The following SEPTIN9 variants were observed in gnomAD, a reference collection of about 807,000 sequenced individuals.
SEPTIN9 encodes the protein septin 9.
In SEPTIN9, 13 loss-of-function variants were observed where a neutral mutation model predicts 56.6. The observed-to-expected ratio is 0.23, with a 90% CI of 0.15 to 0.37. The LOEUF is 0.37. SEPTIN9 is among the 10% of genes least tolerant of loss of function. The pLI is 1.00. For synonymous variants in SEPTIN9, 332 were observed against 334.1 expected, an observed-to-expected ratio of 0.99 and a Z score of 0.07; for missense variants, 650 against 823.1, an observed-to-expected ratio of 0.79 and a Z score of 2.57.
intron 2 of SEPTIN9, among the ~76,000 whole-genome samples, chr17:77,316,267 T>C (rs1273008343): frequency 1.3e-5 from 2 of 152,128 alleles, no homozygotes; most frequent in Admixed American, 1.3e-4. Flanking sequence ...TCCCCCACCC[T>C]CTGCTGGCCT....
chr17:77,281,676 C>T (rs2031030303), intron 1 of SEPTIN9, 122 bp downstream of exon 1: 1 of 965,072 alleles, frequency 1.0e-6, no homozygotes, highest in Non-Finnish European at 1.5e-6. Flanking sequence ...GCGGCGGGCA[C>T]ACTGCAGGTC....
chr17:77,486,535 C>T lies in SEPTIN9; in HGVS notation c.914-889C>T, dbSNP rs867618619. 2.0e-3 allele frequency among the ~76,000 whole-genome samples: 239 copies of T among 120,396 alleles called. 2 individuals carry two copies. The highest frequency in any genetic ancestry group is 8.4e-3 in the African/African-American group (221 of 26,400). The allele number at this position is 120,396 out of a possible 152,430, so 79.0% of individuals were successfully genotyped here. ...GTGTGTGTGTGTGCGCGCACGCGCGCGCGTGTTATATGTGATTTGTTTGTG... is the reference window on the plus strand; with the variant it reads ...GTGTGTGTGTGTGCGCGCACGCGCGTGCGTGTTATATGTGATTTGTTTGTG... On this transcript the variant is annotated intron_variant, in intron 4 of 11. Coordinates refer to ENST00000427177, the MANE Select transcript of SEPTIN9 (RefSeq NM_001113491.2).
At chr17:77,444,809 G>A (rs550518369) in intron 3 of SEPTIN9, 3 of 249,732 alleles carry the variant, frequency 1.2e-5, no homozygotes, top group African/African-American at 2.3e-5. Flanking sequence ...CAGATGGCTC[G>A]GGCTAAGAAG....
chr17:77,394,394 G>A (rs56720032), intron 2 of SEPTIN9, among the ~76,000 whole-genome samples: 11,410 of 152,184 alleles, frequency 0.075, 1,380 homozygotes, highest in African/African-American at 0.26. Flanking sequence ...CCTACTCCTT[G>A]GCACCATCTG....
At chr17:77,469,956 C>G (rs1425172438) in intron 3 of SEPTIN9, among the ~76,000 whole-genome samples, 1 of 151,022 alleles carries the variant, frequency 6.6e-6, no homozygotes, top group Non-Finnish European at 1.5e-5. Flanking sequence ...CCCATCCACT[C>G]ACCCACCCAT....
At chr17:77,287,821 CA>C in intron 1 of SEPTIN9, 5 of 943,176 alleles carry the variant, frequency 5.3e-6, no homozygotes, top group Non-Finnish European at 6.4e-6. Flanking sequence ...TGACTGTTGG[CA>C]GCCTGAAAAC....
At position 77,443,185 on chromosome 17, in the gene SEPTIN9, G is replaced by A. The variant is rs184912273; in HGVS notation, c.722-38959G>A. Among the ~76,000 whole-genome samples the A allele has an allele frequency of 3.0e-4, 46 of 152,228 alleles. 2 individuals carry two copies. The highest frequency in any genetic ancestry group is 1.6e-3 in the Admixed American group (25 of 15,292). On this transcript the variant is annotated intron_variant, in intron 3 of 11. Transcript: ENST00000427177. ...TGCTGTTGAAACCAGTGCAGGGCCC[G>A]ATTGCTTTGTATTGAGTGTTGAGGA...
chr17:77,408,929 G>C (rs551596663), intron 3 of SEPTIN9, among the ~76,000 whole-genome samples: 1 of 152,158 alleles, frequency 6.6e-6, no homozygotes, highest in South Asian at 2.1e-4. Context: ...AAGGCAGGGG[G>C]CCTTGGTAAG....
intron 1 of SEPTIN9, among the ~76,000 whole-genome samples, chr17:77,295,608 C>G (rs2031775516): frequency 6.6e-6 from 1 of 152,146 alleles, no homozygotes; most frequent in South Asian, 2.1e-4. Context: ...GGCGTTTCTC[C>G]CACACAAAGG....
chr17:77,488,210 C>G (rs1262609882), intron 5 of SEPTIN9, 30 bp from the exon 6 acceptor site: 4 of 1,610,130 alleles, frequency 2.5e-6, no homozygotes, highest in Admixed American at 3.3e-5. Context: ...TCCGTCTCCC[C>G]TCTGACTCTG....
At chr17:77,462,352 C>T (rs927336993) in intron 3 of SEPTIN9, among the ~76,000 whole-genome samples, 2 of 151,948 alleles carry the variant, frequency 1.3e-5, no homozygotes, top group African/African-American at 4.8e-5. Context: ...AGCTGGGGCC[C>T]AGCTGCCGGC....
chr17:77,458,240 G>T (rs934198997), intron 3 of SEPTIN9, among the ~76,000 whole-genome samples: 2 of 152,220 alleles, frequency 1.3e-5, no homozygotes, highest in Middle Eastern at 3.2e-3. Flanking sequence ...GCCCAGTGCA[G>T]GACTCAGGGT....
chr17:77,281,506 TTTC>T lies in SEPTIN9; in HGVS notation c.-29_-27del, dbSNP rs2031016449. 1 of 1,546,192 alleles carries T rather than the reference TTTC, an allele frequency of 6.5e-7. No individual in the cohort carries two copies. The highest frequency in any genetic ancestry group is 1.4e-5 in the African/African-American group (1 of 72,136). On this transcript the variant is annotated 5_prime_UTR_variant, in exon 1 of 12. Transcript: ENST00000427177. Reference sequence around the variant, plus strand: ...GCGCCCCGCTGCCTCGCCGCCACACTTTCCTGGGAGCGGCGGCCACGGAGGCAC... The same window carrying T: ...GCGCCCCGCTGCCTCGCCGCCACACTCTGGGAGCGGCGGCCACGGAGGCAC...
chr17:77,444,740 TG>T (rs2037671907), intron 3 of SEPTIN9: 1 of 221,702 alleles, frequency 4.5e-6, no homozygotes, highest in African/African-American at 2.3e-5. Context: ...GGGGTGGGGC[TG>T]GATACTGGCC....
intron 8 of SEPTIN9, among the ~76,000 whole-genome samples, chr17:77,491,994 C>T (rs550230139): frequency 2.6e-5 from 4 of 151,922 alleles, no homozygotes; most frequent in Non-Finnish European, 5.9e-5. Flanking sequence ...AACCGAGGTG[C>T]CTGGGCTGCG....
intron 2 of SEPTIN9, among the ~76,000 whole-genome samples, chr17:77,334,015 A>G (rs2033453327): frequency 6.6e-6 from 1 of 152,160 alleles, no homozygotes; most frequent in Non-Finnish European, 1.5e-5. Context: ...CTTGTTCCCC[A>G]GCTACAGGCT....
intron 4 of SEPTIN9, among the ~76,000 whole-genome samples, chr17:77,485,373 GTGA>G (rs1379188664): frequency 6.6e-6 from 1 of 151,716 alleles, no homozygotes; most frequent in African/African-American, 2.4e-5. Context: ...GATGGTAGTG[GTGA>G]TGTGGTTGAT....
At chr17:77,324,757 ATGATT>A (rs748291673) in intron 2 of SEPTIN9, among the ~76,000 whole-genome samples, 5 of 151,264 alleles carry the variant, frequency 3.3e-5, no homozygotes, top group Admixed American at 1.3e-4. Flanking sequence ...TATCTGACCT[ATGATT>A]TGCTGCCATT....
At chr17:77,320,290 GC>G (rs1567991599) in intron 2 of SEPTIN9, 1 of 1,611,914 alleles carries the variant, frequency 6.2e-7, no homozygotes, top group African/African-American at 1.3e-5. Context: ...TGAGCGGGAC[GC>G]CGGGACTCCC....
Sources: gnomAD v4.1 joint callset for allele counts (sites outside exome capture counted in the v4.1 genomes callset) on GRCh38, gnomAD v4.1.1 for gene constraint, MANE v1.5 for transcripts, NCBI Gene and HGNC (gene_info 2026-07-23, HGNC 2026-07-21) for gene names.